NTAQ1: variants seen among roughly 807,000 people sequenced by gnomAD.
NTAQ1 encodes the protein protein N-terminal glutamine amidohydrolase.
Under a neutral mutation model 28.2 loss-of-function variants are expected in NTAQ1, and 21 were observed. The ratio of observed to expected loss-of-function variants is 0.74; its 90% CI spans 0.53 to 1.07. The LOEUF is 1.07. NTAQ1 is among the 50% of genes least tolerant of loss of function. The probability of loss-of-function intolerance (pLI) is 0.00; values close to 1 mark genes in which losing one functional copy is unlikely to be tolerated. For missense variants in NTAQ1, 264 were observed against 256.6 expected (o/e 1.03, Z -0.20); for synonymous variants, 105 against 90.0 (o/e 1.17, Z -0.94).
At chr8:123,453,807 C>T (rs1815573395) in intron 6 of NTAQ1, among the ~76,000 whole-genome samples, 1 of 152,170 alleles carries the variant, frequency 6.6e-6, no homozygotes, top group South Asian at 2.1e-4. Flanking sequence ...TTATTCTCCT[C>T]ATGTTACAAA....
intron 3 of NTAQ1, 78 bp from the exon 4 acceptor site, chr8:123,436,375 T>C: frequency 7.0e-7 from 1 of 1,424,882 alleles, no homozygotes; most frequent in Middle Eastern, 1.9e-4. Context: ...TCCTTTTTAG[T>C]GATAAGGTAT....
At chr8:123,441,245 T>C (rs1815048464) in intron 5 of NTAQ1, 61 bp from the exon 6 acceptor site, 3 of 1,330,364 alleles carry the variant, frequency 2.3e-6, no homozygotes, top group South Asian at 1.3e-5. Context: ...TGCATTGTTT[T>C]ATTGCTGTTA....
downstream of NTAQ1, among the ~76,000 whole-genome samples, chr8:123,445,042 G>T (rs1815217354): frequency 6.6e-6 from 1 of 151,912 alleles, no homozygotes; most frequent in South Asian, 2.1e-4. Flanking sequence ...TGTTTTTCTT[G>T]GTTTAATTTT....
At chr8:123,427,046 A>C (rs995301160) in intron 1 of NTAQ1, among the ~76,000 whole-genome samples, 2 of 152,148 alleles carry the variant, frequency 1.3e-5, no homozygotes, top group Non-Finnish European at 2.9e-5. Context: ...ATTCCCCCAA[A>C]TGAGTTCCCG....
At chr8:123,422,025 A>G (rs886996513) in intron 1 of NTAQ1, among the ~76,000 whole-genome samples, 6 of 152,106 alleles carry the variant, frequency 3.9e-5, no homozygotes, top group Admixed American at 2.0e-4. Flanking sequence ...CATGTTGGCC[A>G]GGCTGGTCTT....
intron 6 of NTAQ1, among the ~76,000 whole-genome samples, chr8:123,460,058 C>T (rs1319675170): frequency 1.3e-5 from 2 of 152,194 alleles, no homozygotes; most frequent in African/African-American, 2.4e-5. Flanking sequence ...CCTCGGCCCC[C>T]CAAAGGGCTG....
downstream of NTAQ1, among the ~76,000 whole-genome samples, chr8:123,446,042 G>C (rs533096660): frequency 3.3e-5 from 5 of 151,636 alleles, no homozygotes; most frequent in East Asian, 9.7e-4. Context: ...CACCCAGACT[G>C]GAGTGCAATG....
chr8:123,466,489 A>C lies in NTAQ1; in HGVS notation c.373-590A>C, dbSNP rs528338809. On this transcript the variant is annotated intron_variant, in intron 6 of 6. Transcript: ENST00000650311. ...CTTTTGAGTGAAAATGGAATTGTTG[A>C]TGAATAGAATGAACTGACTCACTGA... Among the ~76,000 whole-genome samples, 14 of 152,340 alleles carry C rather than the reference A, an allele frequency of 9.2e-5. No homozygotes were observed. In the South Asian group the frequency reaches 1.2e-3, roughly 14 times the overall value.
downstream of NTAQ1, among the ~76,000 whole-genome samples, chr8:123,445,204 T>C (rs903055060): frequency 6.6e-6 from 1 of 152,154 alleles, no homozygotes; most frequent in African/African-American, 2.4e-5. Context: ...GGTTATTTTG[T>C]ATCCTTCTTT....
intron 1 of NTAQ1, among the ~76,000 whole-genome samples, chr8:123,420,823 C>T (rs941279826): frequency 3.9e-5 from 6 of 151,952 alleles, no homozygotes; most frequent in Admixed American, 1.3e-4. Flanking sequence ...CGGATTCTTA[C>T]TCTGTCACCA....
intron 6 of NTAQ1, among the ~76,000 whole-genome samples, chr8:123,465,782 A>G (rs1345713392): frequency 6.6e-6 from 1 of 151,726 alleles, no homozygotes; most frequent in East Asian, 1.9e-4. Context: ...GGGTTTCACC[A>G]TGTTGCCCAG....
rs370949498 is a variant in NTAQ1 at position 123,429,974 on chromosome 8, A to G, written c.184-9A>G. The G allele has an allele frequency of 3.7e-6, 6 of 1,607,104 alleles. No individual in the cohort carries two copies. In the African/African-American group the frequency reaches 6.7e-5, roughly 18 times the overall value. On this transcript the variant is annotated splice_polypyrimidine_tract_variant and intron_variant, in intron 2 of 5. Coordinates refer to ENST00000287387, the MANE Select transcript of NTAQ1 (RefSeq NM_018024.3). Reference sequence around the variant, plus strand: ...AGGTATGGCTTACGAAATGTATTGTATTTTGTAGATACCTATCTGGAAACA... The same window carrying G: ...AGGTATGGCTTACGAAATGTATTGTGTTTTGTAGATACCTATCTGGAAACA...
rs777547138 is a variant in NTAQ1 at position 123,416,917 on chromosome 8, A to C, written c.68A>C (p.Tyr23Ser). The change falls in exon 1 of 6, where the codon TAC (tyrosine) becomes TCC (serine). Residue 23 changes from tyrosine to serine, a missense_variant. Coordinates refer to ENST00000287387, the MANE Select transcript of NTAQ1 (RefSeq NM_018024.3). ...AGCCCCCCGCGGGACGCCTGCGTCT[A>C]CAGCAGCTGCTACTGGTGAGGGGGC... ...PASPPRDACV[Y>S]SSCYCEENIW... is the part of the protein sequence containing the mutation. 1.3e-6 allele frequency: 2 copies of C among 1,514,430 alleles called. No homozygotes were observed. The allele number at this position is 1,514,430 out of a possible 1,614,324, so 93.8% of individuals were successfully genotyped here.
In NTAQ1 at chr8:123,441,457, A is replaced by T; in HGVS notation, c.*42A>T. On this transcript the variant is annotated 3_prime_UTR_variant, in exon 6 of 6. Coordinates refer to ENST00000287387, the MANE Select transcript of NTAQ1 (RefSeq NM_018024.3). ...TGGAACTGTGGAGAAATTCTAGGAC[A>T]TGAACAAGCTATCCTTTCATCGAGG... 6.8e-7 allele frequency: 1 copy of T among 1,471,044 alleles called. No homozygotes were observed. The highest frequency in any genetic ancestry group is 9.4e-7 in the Non-Finnish European group (1 of 1,060,968). 91.1% of individuals were successfully genotyped at this position (1,471,044 alleles called of 1,614,324 possible).
intron 1 of NTAQ1, among the ~76,000 whole-genome samples, chr8:123,426,185 T>C (rs1814043678): frequency 6.6e-6 from 1 of 152,184 alleles, no homozygotes; most frequent in Non-Finnish European, 1.5e-5. Context: ...GTGACTGGTT[T>C]CCTGTGCATG....
intron 3 of NTAQ1, 102 bp downstream of exon 3, chr8:123,430,135 G>C (rs1471434626): frequency 1.3e-6 from 1 of 745,942 alleles, no homozygotes; most frequent in Non-Finnish European, 2.2e-6. Flanking sequence ...AGTAGAGAAA[G>C]GCTATGGTAA....
chr8:123,453,690 T>G (rs1815570261), intron 6 of NTAQ1, among the ~76,000 whole-genome samples: 1 of 152,172 alleles, frequency 6.6e-6, no homozygotes, highest in African/African-American at 2.4e-5. Flanking sequence ...CCTCCCAAAG[T>G]GCTGGGATTA....
chr8:123,448,481 C>T (rs1172582964), downstream of NTAQ1, among the ~76,000 whole-genome samples: 2 of 152,150 alleles, frequency 1.3e-5, no homozygotes, highest in East Asian at 1.9e-4. Context: ...GGTATGGTGG[C>T]GCATGCCTGT....
chr8:123,428,971 C>T (rs928228544), intron 2 of NTAQ1, among the ~76,000 whole-genome samples: 1 of 152,082 alleles, frequency 6.6e-6, no homozygotes, highest in African/African-American at 2.4e-5. Context: ...GAGACGCATA[C>T]TCTCAGTTTT....
Sources: gnomAD v4.1 joint callset for allele counts (sites outside exome capture counted in the v4.1 genomes callset) on GRCh38, gnomAD v4.1.1 for gene constraint, MANE v1.5 for transcripts, NCBI Gene and HGNC (gene_info 2026-07-23, HGNC 2026-07-21) for gene names.